Variants in BMPR1A observed in about 807,000 individuals in gnomAD.
BMPR1A encodes the protein bone morphogenetic protein receptor type-1A.
Under a neutral mutation model 66.0 loss-of-function variants are expected in BMPR1A, and 7 were observed. The observed-to-expected ratio is 0.11, with a 90% CI of 0.06 to 0.20. BMPR1A has a LOEUF of 0.20. Ranked by LOEUF, BMPR1A falls within the 10% of genes least tolerant of loss-of-function variation. The probability of loss-of-function intolerance (pLI) is 1.00; values close to 1 mark genes in which losing one functional copy is unlikely to be tolerated. For synonymous variants in BMPR1A, 200 were observed against 229.7 expected, an observed-to-expected ratio of 0.87 and a Z score of 1.17; for missense variants, 408 against 669.1, an observed-to-expected ratio of 0.61 and a Z score of 4.31.
chr10:86,785,052 T>A (rs1408029189), intron 1 of BMPR1A, among the ~76,000 whole-genome samples: 1 of 152,240 alleles, frequency 6.6e-6, no homozygotes, highest in Non-Finnish European at 1.5e-5. Flanking sequence ...TGTCTCAAGA[T>A]GTTTTCTAAA....
chr10:86,759,421 GTTTTTTC>G (rs943315302), intron 1 of BMPR1A, among the ~76,000 whole-genome samples: 2 of 151,944 alleles, frequency 1.3e-5, no homozygotes, highest in African/African-American at 4.8e-5. Flanking sequence ...TGTTTGTTTT[GTTTTTTC>G]TTTTTTATTC....
chr10:86,813,056 G>A (rs1042222718), intron 1 of BMPR1A, among the ~76,000 whole-genome samples: 3 of 152,078 alleles, frequency 2.0e-5, no homozygotes, highest in African/African-American at 7.2e-5. Flanking sequence ...AGTTGGAATT[G>A]TAACAATTTT....
At chr10:86,889,977 TAAC>T (rs1046588158) in intron 3 of BMPR1A, 82 bp from the exon 4 acceptor site, 3 of 1,454,148 alleles carry the variant, frequency 2.1e-6, no homozygotes, top group Admixed American at 3.4e-5. Flanking sequence ...TAAGAAAGCT[TAAC>T]AACTTTTTCT....
rs529256600 is a variant in BMPR1A, at chr10:86,855,512, ACTATTTTTTGAAATAGTATTT to A, written c.-153+16547_-153+16567del. 555 of 461,196 alleles carry A rather than the reference ACTATTTTTTGAAATAGTATTT, an allele frequency of 1.2e-3. 1 individual carries two copies. Among genetic ancestry groups the A allele is most frequent in the African/African-American group, 9.5e-3 (475 of 50,154 alleles). 28.6% of individuals were successfully genotyped at this position (461,196 alleles called of 1,614,324 possible). On this transcript the variant is annotated intron_variant, in intron 2 of 12. Coordinates refer to ENST00000372037, the MANE Select transcript of BMPR1A (RefSeq NM_004329.3). Reference sequence around the variant, plus strand: ...AAGCTATAATCTTTCAGGAAATAGTACTATTTTTTGAAATAGTATTTCTATTTTTTGAAAATAGTATTTCTA... The same window carrying A: ...AAGCTATAATCTTTCAGGAAATAGTACTATTTTTTGAAAATAGTATTTCTA...
intron 7 of BMPR1A, among the ~76,000 whole-genome samples, chr10:86,904,489 A>G (rs1347340688): frequency 6.6e-6 from 1 of 152,236 alleles, no homozygotes; most frequent in African/African-American, 2.4e-5. Context: ...TTTGAATTCT[A>G]TAGCCAGAGA....
At chr10:86,890,713 G>T (rs1843136166) in intron 4 of BMPR1A, among the ~76,000 whole-genome samples, 1 of 151,794 alleles carries the variant, frequency 6.6e-6, no homozygotes. Flanking sequence ...GGATTACTAG[G>T]GTGAGCTGCC....
At chr10:86,864,455 A>G (rs1417490455) in intron 2 of BMPR1A, among the ~76,000 whole-genome samples, 1 of 152,076 alleles carries the variant, frequency 6.6e-6, no homozygotes, top group Admixed American at 6.5e-5. Context: ...ACATATCACA[A>G]ACTTTATCAG....
chr10:86,877,855 C>G (rs934141803), intron 3 of BMPR1A, among the ~76,000 whole-genome samples: 1 of 152,252 alleles, frequency 6.6e-6, no homozygotes, highest in South Asian at 2.1e-4. Context: ...CACACGTAGG[C>G]AATATGATAC....
At chr10:86,897,823 C>A (rs374774577) in intron 5 of BMPR1A, among the ~76,000 whole-genome samples, 346 of 152,266 alleles carry the variant, frequency 2.3e-3, no homozygotes, top group African/African-American at 7.7e-3. Context: ...CCAGCCTGAT[C>A]TCAGACTCCT....
intron 2 of BMPR1A, among the ~76,000 whole-genome samples, chr10:86,849,306 CTT>C (rs964593878): frequency 2.0e-5 from 3 of 152,180 alleles, no homozygotes; most frequent in Non-Finnish European, 4.4e-5. Flanking sequence ...GCTTTTCTGA[CTT>C]TGTGCTTTTG....
intron 2 of BMPR1A, chr10:86,855,211 G>C: frequency 1.2e-6 from 1 of 867,384 alleles, no homozygotes. Flanking sequence ...GCGTCGCTAA[G>C]TTTTTTAACC....
At chr10:86,810,206 A>G (rs1589727023) in intron 1 of BMPR1A, among the ~76,000 whole-genome samples, 2 of 151,936 alleles carry the variant, frequency 1.3e-5, no homozygotes, top group African/African-American at 4.8e-5. Flanking sequence ...GTCTTGAACT[A>G]CTGACCTCAG....
chr10:86,912,445 G>T lies in BMPR1A; in HGVS notation c.675+61G>T, dbSNP rs551586849. ...TTGATTTAGAATGTGTCCTCATGAT[G>T]GTGGACAGTATAATTATTGCAGATC... On this transcript the variant is annotated intron_variant, in intron 8 of 12. Transcript: ENST00000372037. The T allele has an allele frequency of 1.9e-6, 3 of 1,564,004 alleles. No individual in the cohort carries two copies. In the African/African-American group the frequency reaches 4.1e-5, roughly 21 times the overall value.
intron 7 of BMPR1A, among the ~76,000 whole-genome samples, chr10:86,910,033 C>A (rs1843455014): frequency 2.0e-5 from 3 of 151,958 alleles, no homozygotes; most frequent in Non-Finnish European, 4.4e-5. Flanking sequence ...AGAAACCATC[C>A]AAATATTACC....
chr10:86,760,764 T>C (rs1219286298), intron 1 of BMPR1A, among the ~76,000 whole-genome samples: 1 of 152,196 alleles, frequency 6.6e-6, no homozygotes, highest in Admixed American at 6.5e-5. Context: ...AGGAACCATT[T>C]CTTTTCCTTT....
chr10:86,799,671 C>T (rs566823877), intron 1 of BMPR1A, among the ~76,000 whole-genome samples: 1 of 151,978 alleles, frequency 6.6e-6, no homozygotes, highest in Non-Finnish European at 1.5e-5. Flanking sequence ...CCCTCCTTAT[C>T]CTCCTGAGTA....
At chr10:86,915,356 TTAAAA>T (rs1323047441) in intron 8 of BMPR1A, among the ~76,000 whole-genome samples, 2 of 152,226 alleles carry the variant, frequency 1.3e-5, no homozygotes, top group African/African-American at 4.8e-5. Context: ...TTTTACGTTA[TTAAAA>T]TATTCTGTAT....
At chr10:86,826,155 A>G (rs1842190893) in intron 1 of BMPR1A, among the ~76,000 whole-genome samples, 1 of 152,082 alleles carries the variant, frequency 6.6e-6, no homozygotes. Flanking sequence ...TTGACATTTA[A>G]CTTCTAAACA....
chr10:86,787,863 T>C (rs1288525421), intron 1 of BMPR1A, among the ~76,000 whole-genome samples: 1 of 147,760 alleles, frequency 6.8e-6, no homozygotes, highest in Non-Finnish European at 1.5e-5. Context: ...CTATCATGAG[T>C]ACAGCAAGGG....
Sources: gnomAD v4.1 joint callset for allele counts (sites outside exome capture counted in the v4.1 genomes callset) on GRCh38, gnomAD v4.1.1 for gene constraint, MANE v1.5 for transcripts, NCBI Gene and HGNC (gene_info 2026-07-23, HGNC 2026-07-21) for gene names.